The following FXR1 variants were observed in gnomAD, a reference collection of about 807,000 sequenced individuals.
FXR1 encodes RNA-binding protein FXR1.
In FXR1, 15 loss-of-function variants were observed where a neutral mutation model predicts 84.0. That is an observed-to-expected ratio of 0.18 (90% CI 0.12 to 0.27). The LOEUF (loss-of-function observed/expected upper bound fraction) is 0.27. Ranked by LOEUF, FXR1 falls within the 10% of genes least tolerant of loss-of-function variation. FXR1 has a pLI of 1.00. For synonymous variants in FXR1, 245 were observed against 250.7 expected (o/e 0.98, Z 0.21); for missense variants, 480 against 774.4 (o/e 0.62, Z 4.51).
chr3:180,929,088 ATGT>A (rs1466922194), intron 1 of FXR1, among the ~76,000 whole-genome samples: 2 of 151,960 alleles, frequency 1.3e-5, no homozygotes, highest in Non-Finnish European at 2.9e-5. Context: ...CACCCTGCTA[ATGT>A]TGTATTTTTA....
intron 3 of FXR1, among the ~76,000 whole-genome samples, chr3:180,946,496 G>T (rs1045074300): frequency 6.6e-5 from 10 of 152,130 alleles, no homozygotes; most frequent in African/African-American, 2.4e-4. Context: ...GGAATATGTC[G>T]TAAGGAAGAA....
chr3:180,970,235 A>G lies in FXR1; in HGVS notation c.1480A>G (p.Ser494Gly). The G allele has an allele frequency of 6.2e-7, 1 of 1,603,078 alleles. No homozygotes were observed. Among genetic ancestry groups the G allele is most frequent in the Non-Finnish European group, 8.5e-7 (1 of 1,170,090 alleles). ...ESDQTADTDA[S>G]ESHHSTNRRR... ...AGATCAGACTGCAGACACTGATGCC[A>G]GCGAATCTCATCACAGTACTAACCG... Residue 494 changes from serine to glycine, a missense_variant, in exon 15 of 17, where the codon AGC (serine) becomes GGC (glycine). By Grantham distance (56) the Ser-to-Gly change is moderately conservative (BLOSUM62 0). Transcript: ENST00000357559.
Position 180,982,327 on chromosome 3 carries a change from C to T in FXR1, c.*6035C>T, listed in dbSNP as rs990930485. On this transcript the variant is annotated 3_prime_UTR_variant, in exon 17 of 17. Transcript: ENST00000357559. Reference sequence around the variant, plus strand: ...GTTTTTTTATGGATCGTATTTGTATCAATCACCTACATGATCTAGAGCCCT... The same window carrying T: ...GTTTTTTTATGGATCGTATTTGTATTAATCACCTACATGATCTAGAGCCCT... 1 of 141,738 alleles carries T rather than the reference C, an allele frequency of 7.1e-6. No individual in the cohort carries two copies. Among genetic ancestry groups the T allele is most frequent in the African/African-American group, 2.7e-5 (1 of 36,920 alleles). 8.8% of individuals were successfully genotyped at this position (141,738 alleles called of 1,614,324 possible).
chr3:180,920,805 C>T (rs1183928952), intron 1 of FXR1, among the ~76,000 whole-genome samples: 1 of 152,192 alleles, frequency 6.6e-6, no homozygotes. Context: ...GCCACCATGC[C>T]CGGCCCAGAA....
rs1353042577 is a variant in FXR1 at position 180,976,447 on chromosome 3, C to A, written c.*155C>A. The A allele has an allele frequency of 3.7e-6, 2 of 535,514 alleles. No homozygotes were observed. The highest frequency in any genetic ancestry group is 1.9e-5 in the African/African-American group (1 of 51,420). 33.2% of individuals were successfully genotyped at this position (535,514 alleles called of 1,614,324 possible). A position where few individuals can be genotyped will look rare whatever the true frequency, so the allele number is the denominator to read the frequency against. Reference sequence around the variant, plus strand: ...AAAAGGGGAGGGATCCTGAAGAAATCATATGTTAAACATACTTTGACACCT... The same window carrying A: ...AAAAGGGGAGGGATCCTGAAGAAATAATATGTTAAACATACTTTGACACCT... On this transcript the variant is annotated 3_prime_UTR_variant, in exon 17 of 17. Coordinates refer to ENST00000357559, the MANE Select transcript of FXR1 (RefSeq NM_005087.4).
rs1315147161 is a variant in FXR1, at chr3:180,968,188, G to A, written c.1336G>A (p.Gly446Ser). Residue 446 changes from glycine (G) to serine (S), a missense_variant, in exon 14 of 17, where the codon GGC (glycine) becomes AGC (serine). By Grantham distance (56) the Gly-to-Ser change is moderately conservative. Transcript: ENST00000357559. ...CAGCAGGAGACGCCCAGGAGGAAGA[G>A]GCAGAAGTGTTTCAGGGGGTCGAGG... is the stretch of plus-strand genomic sequence containing the variant. ...RDSRRRPGGR[G>S]RSVSGGRGRG... is the part of the protein sequence containing the mutation. 1 of 1,614,004 alleles carries A rather than the reference G, an allele frequency of 6.2e-7. No homozygotes were observed. The highest frequency in any genetic ancestry group is 8.5e-7 in the Non-Finnish European group (1 of 1,179,872).
chr3:180,940,267 G>A (rs1258718975), intron 3 of FXR1, among the ~76,000 whole-genome samples: 17 of 152,122 alleles, frequency 1.1e-4, no homozygotes. Flanking sequence ...TATTTCATAA[G>A]TATTTGCTTA....
intron 1 of FXR1, among the ~76,000 whole-genome samples, chr3:180,926,506 A>ATATATATATATATATATATTT (rs72192827): frequency 6.4e-5 from 8 of 124,376 alleles, no homozygotes; most frequent in African/African-American, 8.7e-5. Context: ...ATATATATAT[A>ATATATATATATATATATATTT]TTTTTTTTTC....
At chr3:180,974,215 G>T (rs1170518491) in intron 15 of FXR1, among the ~76,000 whole-genome samples, 8 of 148,186 alleles carry the variant, frequency 5.4e-5, no homozygotes, top group African/African-American at 2.0e-4. Flanking sequence ...CTGGAGTGCA[G>T]TGGCACAGTC....
chr3:180,943,757 GAATGATTATGCTTTGGTGAAA>G (rs1296149228), intron 3 of FXR1, among the ~76,000 whole-genome samples: 2 of 152,170 alleles, frequency 1.3e-5, no homozygotes, highest in African/African-American at 4.8e-5. Flanking sequence ...CCAGATTCAT[GAATGATTATGCTTTGGTGAAA>G]ATAGAATAAG....
At chr3:180,966,378 G>C (rs1254389074) in intron 13 of FXR1, among the ~76,000 whole-genome samples, 1 of 152,184 alleles carries the variant, frequency 6.6e-6, no homozygotes, top group East Asian at 1.9e-4. Context: ...CGTTAAAGGA[G>C]AAAGGAAGTG....
intron 3 of FXR1, among the ~76,000 whole-genome samples, chr3:180,935,942 A>G (rs1365872223): frequency 6.6e-6 from 1 of 151,892 alleles, no homozygotes; most frequent in South Asian, 2.1e-4. Context: ...TCCAGGTTGC[A>G]GTGCAATGGC....
chr3:180,943,514 G>A (rs758273679), intron 3 of FXR1, among the ~76,000 whole-genome samples: 7 of 152,066 alleles, frequency 4.6e-5, no homozygotes, highest in Non-Finnish European at 7.4e-5. Context: ...TGATCCACCC[G>A]CCTCAGCCTC....
In FXR1 at chr3:180,976,162, C is replaced by T. The variant is rs1714216609; in HGVS notation, c.1736C>T (p.Ala579Val). 6.2e-7 allele frequency: 1 copy of T among 1,613,036 alleles called. No individual in the cohort carries two copies. The highest frequency in any genetic ancestry group is 8.5e-7 in the Non-Finnish European group (1 of 1,179,320). ...GAAGAGCATGGTCCTTCAGAAAAGG[C>T]AATAAACGGCCCAACTAGTGCTTCT... ...VIEEHGPSEKAINGPTSASGD... is the reference protein window; with the variant it reads ...VIEEHGPSEKVINGPTSASGD... Residue 579 changes from alanine (A) to valine (V), a missense_variant, in exon 17 of 17, where the codon GCA becomes GTA. Coordinates refer to ENST00000357559, the MANE Select transcript of FXR1 (RefSeq NM_005087.4).
At chr3:180,971,331 CT>C (rs1368606530) in intron 15 of FXR1, 1 of 168,284 alleles carries the variant, frequency 5.9e-6, no homozygotes, top group Non-Finnish European at 1.3e-5. Flanking sequence ...AAAATGCATT[CT>C]TCCTTCACAG....
intron 3 of FXR1, among the ~76,000 whole-genome samples, chr3:180,941,120 A>T (rs1428358616): frequency 6.6e-6 from 1 of 151,644 alleles, no homozygotes; most frequent in Non-Finnish European, 1.5e-5. Context: ...AAATTGGATT[A>T]AAAAAGAGAA....
intron 9 of FXR1, among the ~76,000 whole-genome samples, chr3:180,955,025 G>A (rs183867633): frequency 4.0e-5 from 5 of 124,436 alleles, no homozygotes; most frequent in East Asian, 2.3e-4. Context: ...GTCTTGCTTT[G>A]TCACTCAGGC....
chr3:180,951,175 A>G lies in FXR1; in HGVS notation c.631-123A>G, dbSNP rs932062033. The G allele has an allele frequency of 4.9e-6, 3 of 613,572 alleles. No homozygotes were observed. The African/African-American group carries it at 5.6e-5, about 11-fold the overall frequency. The allele number at this position is 613,572 out of a possible 1,614,324, so 38.0% of individuals were successfully genotyped here. On this transcript the variant is annotated intron_variant, in intron 7 of 16. Transcript: ENST00000357559. ...GAGATTGAGTTGGCAGTGAGCCATG[A>G]TCACGCCACTGCACCCTAGCCTTGG...
chr3:180,938,605 A>G (rs112214547), intron 3 of FXR1, among the ~76,000 whole-genome samples: 8,773 of 151,986 alleles, frequency 0.058, 695 homozygotes, highest in African/African-American at 0.18. Context: ...CTGGAGTGCA[A>G]TGGTGCGATC....
Sources: allele counts gnomAD v4.1 joint callset (sites outside exome capture counted in the v4.1 genomes callset), GRCh38; gene constraint gnomAD v4.1.1; transcripts MANE v1.5; gene names NCBI Gene and HGNC (gene_info 2026-07-23, HGNC 2026-07-21).